KCNH7: variants seen among roughly 807,000 people sequenced by gnomAD.
The protein encoded by KCNH7 is potassium voltage-gated channel subfamily H member 7.
In KCNH7, 49 loss-of-function variants were observed where a neutral mutation model predicts 120.8. The observed-to-expected ratio is 0.41, with a 90% CI of 0.32 to 0.51. The LOEUF is 0.51. Among genes scored for constraint, KCNH7 ranks in the 20% least tolerant of loss-of-function variants. The pLI is 0.38. For synonymous variants in KCNH7, 547 were observed against 516.1 expected (o/e 1.06, Z -0.81); for missense variants, 1,097 against 1,446.6 (o/e 0.76, Z 3.92).
intron 6 of KCNH7, among the ~76,000 whole-genome samples, chr2:162,483,564 T>C (rs1689998643): frequency 6.6e-6 from 1 of 152,060 alleles, no homozygotes; most frequent in Admixed American, 6.6e-5. Flanking sequence ...TTCTTGAATA[T>C]TGTGTTTCTT....
chr2:162,824,671 T>C (rs991474717), intron 2 of KCNH7, among the ~76,000 whole-genome samples: 1 of 152,138 alleles, frequency 6.6e-6, no homozygotes, highest in Non-Finnish European at 1.5e-5. Context: ...GTTATAATTC[T>C]GTTGCTTATA....
At chr2:162,535,784 A>G (rs534299978) in intron 3 of KCNH7, among the ~76,000 whole-genome samples, 6 of 151,872 alleles carry the variant, frequency 4.0e-5, no homozygotes, top group Admixed American at 2.0e-4. Flanking sequence ...TTAGTTATTT[A>G]TTGTATATAT....
intron 2 of KCNH7, among the ~76,000 whole-genome samples, chr2:162,830,546 AGTT>A (rs1473105790): frequency 6.6e-6 from 1 of 152,200 alleles, no homozygotes; most frequent in African/African-American, 2.4e-5. Flanking sequence ...AAGTTCATCT[AGTT>A]GTTATCAGAG....
At chr2:162,752,062 A>G (rs1574341461) in intron 2 of KCNH7, among the ~76,000 whole-genome samples, 2 of 152,166 alleles carry the variant, frequency 1.3e-5, no homozygotes, top group South Asian at 2.1e-4. Flanking sequence ...GCAGTTAATG[A>G]CTTCCTTATT....
rs1482086004 is a variant in KCNH7 at position 162,373,911 on chromosome 2, G to A, written c.3132-249C>T. Among the ~76,000 whole-genome samples the A allele has an allele frequency of 2.0e-5, 3 of 152,114 alleles. No homozygotes were observed. The East Asian group carries it at 5.8e-4, about 29-fold the overall frequency. On this transcript the variant is annotated intron_variant, in intron 14 of 15. Coordinates refer to ENST00000332142, the MANE Select transcript of KCNH7 (RefSeq NM_033272.4). ...AACAGAAAATCAAATGAACAAAATA[G>A]ACTACATGTTTACTAACCTTCATTG...
chr2:162,647,884 G>T (rs1472306862), intron 2 of KCNH7, among the ~76,000 whole-genome samples: 1 of 152,114 alleles, frequency 6.6e-6, no homozygotes, highest in East Asian at 1.9e-4. Context: ...TGTATGTATT[G>T]TCATATCCCT....
At chr2:162,808,757 A>T (rs1478554883) in intron 2 of KCNH7, among the ~76,000 whole-genome samples, 1 of 151,744 alleles carries the variant, frequency 6.6e-6, no homozygotes. Flanking sequence ...ACATATAATA[A>T]AAGAATACTA....
At chr2:162,415,109 A>G (rs1251903485) in intron 9 of KCNH7, among the ~76,000 whole-genome samples, 1 of 151,994 alleles carries the variant, frequency 6.6e-6, no homozygotes, top group Non-Finnish European at 1.5e-5. Flanking sequence ...CTGACAAACA[A>G]CTTTTCTAAT....
At chr2:162,697,365 C>T (rs187614251) in intron 2 of KCNH7, among the ~76,000 whole-genome samples, 1 of 152,168 alleles carries the variant, frequency 6.6e-6, no homozygotes, top group Admixed American at 6.5e-5. Flanking sequence ...AGTACTTGTG[C>T]CAATCAACTA....
chr2:162,384,607 G>T, intron 13 of KCNH7, 81 bp downstream of exon 13: 1 of 1,304,176 alleles, frequency 7.7e-7, no homozygotes, highest in Non-Finnish European at 1.1e-6. Context: ...ACATGTGTCA[G>T]TACAGTTCTT....
intron 6 of KCNH7, among the ~76,000 whole-genome samples, chr2:162,484,369 T>C (rs149718105): frequency 1.3e-5 from 2 of 152,230 alleles, no homozygotes; most frequent in African/African-American, 4.8e-5. Context: ...TTGGTCCCCA[T>C]TCTCCTTTTC....
intron 2 of KCNH7, among the ~76,000 whole-genome samples, chr2:162,566,185 CTGT>C (rs1436824852): frequency 6.6e-6 from 1 of 152,000 alleles, no homozygotes; most frequent in Non-Finnish European, 1.5e-5. Flanking sequence ...AAAAAAGCAT[CTGT>C]TGTTTATTAT....
intron 2 of KCNH7, among the ~76,000 whole-genome samples, chr2:162,742,519 A>G (rs903714512): frequency 1.3e-5 from 2 of 152,218 alleles, no homozygotes; most frequent in African/African-American, 4.8e-5. Flanking sequence ...TTCCTTAATA[A>G]AAATTGAATG....
chr2:162,630,393 A>T (rs1683723310), intron 2 of KCNH7, among the ~76,000 whole-genome samples: 1 of 152,100 alleles, frequency 6.6e-6, no homozygotes, highest in African/African-American at 2.4e-5. Context: ...AGATGGGAGA[A>T]GTACACTAAG....
At position 162,384,715 on chromosome 2, in the gene KCNH7, T is replaced by C. The variant is rs556536094; in HGVS notation, c.2935A>G (p.Ile979Val). The change falls in exon 13 of 16, where the codon ATA becomes GTA. Residue 979 changes from isoleucine (I) to valine (V), a missense_variant. This residue lies in a region of KCNH7 where 406 missense variants were observed against 410.5 expected (regional missense o/e 0.99). Transcript: ENST00000332142. ...ETVPTSGRMHIDKRSHSCKDI... is the reference protein window; with the variant it reads ...ETVPTSGRMHVDKRSHSCKDI... ...TTGCAAGAGTGACTTCTTTTATCTA[T>C]GTGCATTCTTCCTGAGGTGGGCACT... 5 of 1,612,624 alleles carry C rather than the reference T, an allele frequency of 3.1e-6. No homozygotes were observed. The Admixed American group carries it at 6.7e-5, about 22-fold the overall frequency.
In KCNH7 at chr2:162,838,617, T is replaced by G. The variant is rs1685744310; in HGVS notation, c.-99A>C. On this transcript the variant is annotated 5_prime_UTR_variant, in exon 1 of 16. Coordinates refer to ENST00000332142, the MANE Select transcript of KCNH7 (RefSeq NM_033272.4). ...CCAGGCCAGCGCGCGAGCCGCTCTT[T>G]GTGGCAGAGCATCCTCTTTTGAAAC... 2.3e-6 allele frequency: 2 copies of G among 882,928 alleles called. No individual in the cohort carries two copies. The highest frequency in any genetic ancestry group is 5.0e-5 in the East Asian group (2 of 39,702). 54.7% of individuals were successfully genotyped at this position (882,928 alleles called of 1,614,324 possible). A position where few individuals can be genotyped will look rare whatever the true frequency, so the allele number is the denominator to read the frequency against.
At chr2:162,719,078 T>C (rs1320787481) in intron 2 of KCNH7, among the ~76,000 whole-genome samples, 2 of 152,048 alleles carry the variant, frequency 1.3e-5, no homozygotes, top group Non-Finnish European at 2.9e-5. Context: ...TACGTATGTA[T>C]ATATACTAGC....
intron 8 of KCNH7, among the ~76,000 whole-genome samples, chr2:162,428,271 AC>A (rs1687932181): frequency 6.6e-6 from 1 of 151,774 alleles, no homozygotes. Flanking sequence ...GCTATTTGGA[AC>A]CTATTTCTAA....
intron 2 of KCNH7, among the ~76,000 whole-genome samples, chr2:162,729,358 A>C (rs1415342557): frequency 6.6e-6 from 1 of 151,694 alleles, no homozygotes; most frequent in Non-Finnish European, 1.5e-5. Context: ...CCCTATTTTG[A>C]CTTTTTAGTC....
Sources: gnomAD v4.1 joint callset for allele counts (sites outside exome capture counted in the v4.1 genomes callset) on GRCh38, gnomAD v4.1.1 for gene constraint, gnomAD v4.1.1 regional missense constraint, MANE v1.5 for transcripts, NCBI Gene and HGNC (gene_info 2026-07-23, HGNC 2026-07-21) for gene names.